Variants in RBFOX2 observed in about 807,000 individuals in gnomAD.
RBFOX2 encodes RNA binding fox-1 homolog 2.
A neutral mutation model predicts 49.1 loss-of-function variants in RBFOX2; 10 were observed. The ratio of observed to expected loss-of-function variants is 0.20; its 90% CI spans 0.13 to 0.35. The LOEUF is 0.35. Ranked by LOEUF, RBFOX2 falls within the 10% of genes least tolerant of loss-of-function variation. RBFOX2 has a pLI of 1.00. For synonymous variants in RBFOX2, 183 were observed against 187.4 expected (o/e 0.98, Z 0.19); for missense variants, 323 against 486.9 (o/e 0.66, Z 3.17).
intron 1 of RBFOX2, among the ~76,000 whole-genome samples, chr22:35,890,187 T>C (rs766111787): frequency 2.6e-5 from 4 of 152,174 alleles, no homozygotes; most frequent in East Asian, 1.9e-4. Flanking sequence ...AGTTAAGTAA[T>C]TGTCTCAAGT....
chr22:35,899,172 CATAA>C, intron 1 of RBFOX2, among the ~76,000 whole-genome samples: 1 of 151,336 alleles, frequency 6.6e-6, no homozygotes, highest in Admixed American at 6.6e-5. Flanking sequence ...CATAACATAA[CATAA>C]CAAACATAAA....
intron 1 of RBFOX2, among the ~76,000 whole-genome samples, chr22:36,017,223 C>T (rs2059071091): frequency 1.3e-5 from 2 of 151,988 alleles, no homozygotes; most frequent in Admixed American, 6.6e-5. Context: ...TGGTATTTTC[C>T]CCAGATCCAT....
intron 2 of RBFOX2, among the ~76,000 whole-genome samples, chr22:35,793,198 C>G (rs890697528): frequency 6.6e-6 from 1 of 152,206 alleles, no homozygotes; most frequent in Non-Finnish European, 1.5e-5. Flanking sequence ...GTGGTGAAAC[C>G]CCATCTCTAC....
chr22:35,926,592 A>G (rs1337430247), intron 1 of RBFOX2, among the ~76,000 whole-genome samples: 1 of 152,192 alleles, frequency 6.6e-6, no homozygotes, highest in African/African-American at 2.4e-5. Flanking sequence ...ACCCTAAACT[A>G]AGCAAAAAGA....
chr22:35,835,745 T>C (rs1444645317), intron 1 of RBFOX2, among the ~76,000 whole-genome samples: 1 of 152,186 alleles, frequency 6.6e-6, no homozygotes, highest in African/African-American at 2.4e-5. Flanking sequence ...AAAAACAATT[T>C]AATGAGTCAA....
intron 1 of RBFOX2, among the ~76,000 whole-genome samples, chr22:35,873,078 TAG>T (rs2044568506): frequency 6.6e-6 from 1 of 152,180 alleles, no homozygotes; most frequent in African/African-American, 2.4e-5. Flanking sequence ...CTGCAGAGAT[TAG>T]AGAGTTTTAA....
intron 1 of RBFOX2, among the ~76,000 whole-genome samples, chr22:36,007,367 G>A (rs1226902030): frequency 2.0e-5 from 3 of 151,930 alleles, no homozygotes; most frequent in African/African-American, 7.3e-5. Flanking sequence ...AAATGACCAT[G>A]CGCCACCACA....
chr22:35,751,342 C>T (rs967458700), intron 9 of RBFOX2, among the ~76,000 whole-genome samples: 1 of 151,990 alleles, frequency 6.6e-6, no homozygotes, highest in African/African-American at 2.4e-5. Flanking sequence ...TATTTCAAGA[C>T]CAGCAGACAA....
At chr22:35,809,724 C>T in intron 2 of RBFOX2, 56 bp downstream of exon 3, 3 of 1,559,320 alleles carry the variant, frequency 1.9e-6, no homozygotes, top group Non-Finnish European at 2.6e-6. Flanking sequence ...ATTAAGGCGA[C>T]AATTTCTATA....
At chr22:35,936,047 G>C (rs1040979826) in intron 1 of RBFOX2, among the ~76,000 whole-genome samples, 1 of 151,930 alleles carries the variant, frequency 6.6e-6, no homozygotes, top group African/African-American at 2.4e-5. Context: ...AACAGTGAAA[G>C]AATAAGGAAA....
chr22:35,849,695 G>T (rs1474813525), intron 1 of RBFOX2, among the ~76,000 whole-genome samples: 1 of 152,110 alleles, frequency 6.6e-6, no homozygotes, highest in African/African-American at 2.4e-5. Context: ...TGGCTGTCCT[G>T]TCCAAAGGAA....
intron 1 of RBFOX2, among the ~76,000 whole-genome samples, chr22:35,813,580 A>G (rs756289850): frequency 6.6e-6 from 1 of 152,186 alleles, no homozygotes; most frequent in Non-Finnish European, 1.5e-5. Context: ...CTATATTCTT[A>G]TAACATTTAG....
At chr22:35,969,797 G>T (rs1384817444) in intron 1 of RBFOX2, among the ~76,000 whole-genome samples, 1 of 152,242 alleles carries the variant, frequency 6.6e-6, no homozygotes, top group African/African-American at 2.4e-5. Flanking sequence ...TTCTGAGAAG[G>T]GTTTGGAATT....
chr22:35,771,269 A>G (rs534433478), intron 4 of RBFOX2, among the ~76,000 whole-genome samples: 1 of 152,310 alleles, frequency 6.6e-6, no homozygotes, highest in Non-Finnish European at 1.5e-5. Context: ...TACTGTGCTT[A>G]TAAGTGAAAA....
chr22:35,833,079 TA>T (rs953094089), intron 1 of RBFOX2, among the ~76,000 whole-genome samples: 3 of 152,148 alleles, frequency 2.0e-5, no homozygotes, highest in Non-Finnish European at 2.9e-5. Context: ...TATGCATCAA[TA>T]AAACTTAAAA....
intron 2 of RBFOX2, among the ~76,000 whole-genome samples, chr22:35,786,721 G>T (rs1946483688): frequency 6.6e-6 from 1 of 152,176 alleles, no homozygotes; most frequent in African/African-American, 2.4e-5. Context: ...ATAACTCTGT[G>T]AAACAGGTAC....
At chr22:35,927,595 A>T (rs1249990937) in intron 1 of RBFOX2, among the ~76,000 whole-genome samples, 1 of 125,652 alleles carries the variant, frequency 8.0e-6, no homozygotes, top group Non-Finnish European at 1.6e-5. Context: ...CAAGAGTGAA[A>T]CTCCGTCTCA....
intron 1 of RBFOX2, among the ~76,000 whole-genome samples, chr22:35,930,142 T>G (rs1234981231): frequency 6.7e-6 from 1 of 149,542 alleles, no homozygotes; most frequent in African/African-American, 2.5e-5. Context: ...GTGCCTCAGC[T>G]CCCAAGTAGC....
At chr22:36,017,629 C>T (rs760715208) in intron 1 of RBFOX2, among the ~76,000 whole-genome samples, 1 of 152,190 alleles carries the variant, frequency 6.6e-6, no homozygotes, top group African/African-American at 2.4e-5. Context: ...ATAGTTCTCA[C>T]CCCAAATGGT....
Sources: allele counts gnomAD v4.1 joint callset (sites outside exome capture counted in the v4.1 genomes callset), GRCh38; gene constraint gnomAD v4.1.1; transcripts MANE v1.5; gene names NCBI Gene and HGNC (gene_info 2026-07-23, HGNC 2026-07-21).